Variants in ARL2BP observed in about 807,000 individuals in gnomAD.
ARL2BP encodes the protein ADP-ribosylation factor-like protein 2-binding protein.
A neutral mutation model predicts 24.2 loss-of-function variants in ARL2BP; 19 were observed. The observed-to-expected ratio is 0.79, with a 90% confidence interval of 0.55 to 1.15. ARL2BP has a LOEUF of 1.15. ARL2BP is among the 50% of genes most tolerant of loss of function. ARL2BP has a pLI of 0.00. For synonymous variants in ARL2BP, 56 were observed against 70.5 expected, an observed-to-expected ratio of 0.79 and a Z score of 1.03; for missense variants, 160 against 190.4, an observed-to-expected ratio of 0.84 and a Z score of 0.94.
intron 5 of ARL2BP, chr16:57,251,584 CT>C (rs1266675562): frequency 2.1e-5 from 3 of 141,188 alleles, no homozygotes; most frequent in Non-Finnish European, 4.6e-5. Context: ...AGCAAGACCC[CT>C]ATCTCAAAAA....
At chr16:57,248,079 G>A (rs150588561) in intron 2 of ARL2BP, among the ~76,000 whole-genome samples, 5,645 of 151,788 alleles carry the variant, frequency 0.037, 111 homozygotes, top group Middle Eastern at 0.1. Context: ...TTTGGGAGGC[G>A]GAGGCAGGCA....
chr16:57,252,168 A>C lies in ARL2BP; in HGVS notation c.393A>C (p.Glu131Asp), dbSNP rs766235797. The C allele has an allele frequency of 6.2e-7, 1 of 1,613,828 alleles. No homozygotes were observed. The highest frequency in any genetic ancestry group is 1.1e-5 in the South Asian group (1 of 91,042). ...FKEMFLDYRA[E>D]KEGRGLDLSS... Reference sequence around the variant, plus strand: ...CCTTTGGTTGTTTTCTCATATAGGAAAAAGAAGGCCGAGGACTGGACTTAA... The same window carrying C: ...CCTTTGGTTGTTTTCTCATATAGGACAAAGAAGGCCGAGGACTGGACTTAA... The change falls in exon 6 of 6, where the codon GAA (glutamate) becomes GAC (aspartate). Residue 131 changes from glutamate (E) to aspartate (D), a missense_variant and splice_region_variant. By Grantham distance (45) the Glu-to-Asp change is conservative. Transcript: ENST00000219204.
At chr16:57,247,807 T>C (rs2075394815) in intron 2 of ARL2BP, among the ~76,000 whole-genome samples, 1 of 152,106 alleles carries the variant, frequency 6.6e-6, no homozygotes, top group South Asian at 2.1e-4. Flanking sequence ...ACAACTGCTG[T>C]GGAAGTTATA....
At chr16:57,249,612 G>T (rs2075401110) in intron 3 of ARL2BP, 155 bp from the exon 4 acceptor site, 1 of 632,102 alleles carries the variant, frequency 1.6e-6, no homozygotes. Context: ...CAGGACAGGA[G>T]CTGTGTTTTG....
rs1168089607 is a variant in ARL2BP, at chr16:57,253,252, G to C, written c.*985G>C. On this transcript the variant is annotated 3_prime_UTR_variant, in exon 6 of 6. Transcript: ENST00000219204. ...TGTAAGGTTCTCTGGGTTAGGTAGG[G>C]ACTCTGCAGTTTCTTCCTGTCAAAA... The C allele has an allele frequency of 6.6e-6, 1 of 152,288 alleles. No individual in the cohort carries two copies. 9.4% of individuals were successfully genotyped at this position (152,288 alleles called of 1,614,324 possible). A position where few individuals can be genotyped will look rare whatever the true frequency, so the allele number is the denominator to read the frequency against.
chr16:57,250,641 G>A, intron 5 of ARL2BP, 134 bp downstream of exon 5: 6 of 696,428 alleles, frequency 8.6e-6, no homozygotes, highest in Non-Finnish European at 1.5e-5. Flanking sequence ...TCAGAAGAGT[G>A]AGCTGCTATT....
rs779292462 is a variant in ARL2BP at position 57,245,387 on chromosome 16, A to C, written c.20A>C (p.Glu7Ala). The change falls in exon 1 of 6, where the codon GAG becomes GCG. Residue 7 changes from glutamate (E) to alanine (A), a missense_variant. By Grantham distance (107) the Glu-to-Ala change is moderately radical. Transcript: ENST00000219204. MDALEG[E>A]SFALSFSSAS... ...ACTGCGATGGACGCCTTAGAAGGAG[A>C]GAGCTTTGCGCTGTCTTTGTGAGTA... is the stretch of plus-strand genomic sequence containing the variant. 1.2e-6 allele frequency: 2 copies of C among 1,607,282 alleles called. No individual in the cohort carries two copies. The highest frequency in any genetic ancestry group is 4.5e-5 in the East Asian group (2 of 44,640).
intron 2 of ARL2BP, among the ~76,000 whole-genome samples, chr16:57,247,734 G>A (rs2075394605): frequency 6.6e-6 from 1 of 152,160 alleles, no homozygotes; most frequent in Non-Finnish European, 1.5e-5. Flanking sequence ...GCTGAGATGC[G>A]ATTCGAACCC....
intron 4 of ARL2BP, 38 bp downstream of exon 4, chr16:57,249,890 T>C: frequency 6.3e-7 from 1 of 1,587,442 alleles, no homozygotes; most frequent in Non-Finnish European, 8.7e-7. Flanking sequence ...TTTTGTTTTG[T>C]TTTCTCACTT....
At chr16:57,250,367 G>A (rs1367860127) in intron 4 of ARL2BP, 44 bp from the exon 5 acceptor site, 1 of 1,535,984 alleles carries the variant, frequency 6.5e-7, no homozygotes, top group East Asian at 2.2e-5. Flanking sequence ...CTTGAGGACT[G>A]TCTCATCATT....
At position 57,252,255 on chromosome 16, in the gene ARL2BP, T is replaced by C. The variant is rs781479937; in HGVS notation, c.480T>C (p.Asn160=). 3 of 1,614,080 alleles carry C rather than the reference T, an allele frequency of 1.9e-6. No homozygotes were observed. Among genetic ancestry groups the C allele is most frequent in the Non-Finnish European group, 2.5e-6 (3 of 1,180,030 alleles). The stretch of plus-strand genomic sequence containing the variant: ...CTTCTCTGCCAGCTTCCCAGAACAA[T>C]CTGCGGCACTAGGTCCTACCTCCAG... ...KSSSLPASQN[N]LRH The change falls in exon 6 of 6, where the codon AAT becomes AAC. Residue 160 remains asparagine (N), a synonymous_variant. Coordinates refer to ENST00000219204, the MANE Select transcript of ARL2BP (RefSeq NM_012106.4).
At position 57,252,824 on chromosome 16, in the gene ARL2BP, A is replaced by G. The variant is rs192697665; in HGVS notation, c.*557A>G. 1 of 156,928 alleles carries G rather than the reference A, an allele frequency of 6.4e-6. No homozygotes were observed. The highest frequency in any genetic ancestry group is 6.1e-5 in the Admixed American group (1 of 16,388). The allele number at this position is 156,928 out of a possible 1,614,324, so 9.7% of individuals were successfully genotyped here. A position where few individuals can be genotyped will look rare whatever the true frequency, so the allele number is the denominator to read the frequency against. ...ATCAACAGAAGGAGACGTCCTCTACATAAAAGCTCCATGTGAAAAGCTACT... is the reference window on the plus strand; with the variant it reads ...ATCAACAGAAGGAGACGTCCTCTACGTAAAAGCTCCATGTGAAAAGCTACT... On this transcript the variant is annotated 3_prime_UTR_variant, in exon 6 of 6. Coordinates refer to ENST00000219204, the MANE Select transcript of ARL2BP (RefSeq NM_012106.4).
intron 2 of ARL2BP, chr16:57,248,311 C>CAA (rs1161528446): frequency 0.012 from 581 of 46,908 alleles, no homozygotes; most frequent in Middle Eastern, 0.016. Flanking sequence ...AACTCCAGCT[C>CAA]AAAAAAAAAA....
rs755458529 is a variant in ARL2BP, at chr16:57,246,131, C to A, written c.90C>A (p.Asp30Glu). The change falls in exon 2 of 6, where the codon GAC becomes GAA. Residue 30 changes from aspartate to glutamate, a missense_variant. Transcript: ENST00000219204. Reference protein sequence around the residue: ...EFDAVVGYLEDIIMDDEFQLL... With the variant: ...EFDAVVGYLEEIIMDDEFQLL... ...ATGCTGTGGTTGGATATTTAGAGGA[C>A]ATTATCATGGGTAAGCTTTTAAGAT... The A allele has an allele frequency of 3.1e-6, 5 of 1,613,858 alleles. No individual in the cohort carries two copies. The highest frequency in any genetic ancestry group is 4.2e-6 in the Non-Finnish European group (5 of 1,179,910).
intron 2 of ARL2BP, 174 bp from the exon 3 acceptor site, chr16:57,248,363 A>T: frequency 3.2e-6 from 1 of 313,236 alleles, no homozygotes; most frequent in Non-Finnish European, 6.1e-6. Flanking sequence ...AAACAGGAGG[A>T]TTGGGCTATT....
intron 1 of ARL2BP, 21 bp downstream of exon 1, chr16:57,245,426 G>T (rs769408082): frequency 1.1e-5 from 18 of 1,603,210 alleles, no homozygotes; most frequent in Non-Finnish European, 1.5e-5. Flanking sequence ...CCTCCAGGGC[G>T]CAGGCGACTT....
Position 57,252,318 on chromosome 16 carries a change from T to C in ARL2BP, c.*51T>C, listed in dbSNP as rs781662550. The C allele has an allele frequency of 4.3e-6, 7 of 1,613,784 alleles. No individual in the cohort carries two copies. The African/African-American group carries it at 6.7e-5, about 15-fold the overall frequency. ...ATCATTCTGGATGTCACCAGCCCAA[T>C]AGGCTCAGCTCATGATGACAGAACA... On this transcript the variant is annotated 3_prime_UTR_variant, in exon 6 of 6. Transcript: ENST00000219204.
chr16:57,247,612 T>A (rs1184511794), intron 2 of ARL2BP, among the ~76,000 whole-genome samples: 1 of 152,178 alleles, frequency 6.6e-6, no homozygotes, highest in Non-Finnish European at 1.5e-5. Flanking sequence ...AAATTCCACT[T>A]CCAATCCTAT....
At chr16:57,245,509 G>T in intron 1 of ARL2BP, 104 bp downstream of exon 1, 1 of 1,476,968 alleles carries the variant, frequency 6.8e-7, no homozygotes, top group South Asian at 1.2e-5. Context: ...GCCGGGCCGG[G>T]CCGGGCCGGG....
Sources: allele counts gnomAD v4.1 joint callset (sites outside exome capture counted in the v4.1 genomes callset), GRCh38; gene constraint gnomAD v4.1.1; transcripts MANE v1.5; gene names NCBI Gene and HGNC (gene_info 2026-07-23, HGNC 2026-07-21).